The following NAV2 variants were observed in gnomAD, a reference collection of about 807,000 sequenced individuals.
NAV2 encodes the protein helicase, APC down-regulated 1.
NAV2 carries 54 observed loss-of-function variants against 223.2 expected under a neutral mutation model. The observed-to-expected ratio is 0.24, with a 90% CI of 0.19 to 0.30. The LOEUF (loss-of-function observed/expected upper bound fraction) is 0.30, where lower values mean the gene tolerates loss of function less well. NAV2 is among the 10% of genes least tolerant of loss of function. The probability of loss-of-function intolerance (pLI) is 1.00; values close to 1 mark genes in which losing one functional copy is unlikely to be tolerated. For missense variants in NAV2, 2,806 were observed against 3,147.5 expected (o/e 0.89, Z 2.60); for synonymous variants, 1,279 against 1,239.3 (o/e 1.03, Z -0.67).
chr11:19,647,636 A>G (rs1193262178), intron 1 of NAV2, among the ~76,000 whole-genome samples: 1 of 152,102 alleles, frequency 6.6e-6, no homozygotes, highest in African/African-American at 2.4e-5. Flanking sequence ...TTGAACCTGG[A>G]CTTGGACACC....
At chr11:19,714,757 G>T (rs952710017) in intron 1 of NAV2, among the ~76,000 whole-genome samples, 4 of 152,200 alleles carry the variant, frequency 2.6e-5, no homozygotes, top group African/African-American at 9.7e-5. Context: ...TACCTTTCCA[G>T]ACAGAGCCTG....
chr11:19,372,674 C>T (rs1848511993), intron 1 of NAV2, among the ~76,000 whole-genome samples: 1 of 152,280 alleles, frequency 6.6e-6, no homozygotes, highest in African/African-American at 2.4e-5. Flanking sequence ...CTGACCTCCG[C>T]TCCAAAATCC....
intron 1 of NAV2, among the ~76,000 whole-genome samples, chr11:19,390,651 C>T (rs1180331386): frequency 1.3e-5 from 2 of 152,052 alleles, no homozygotes; most frequent in African/African-American, 4.8e-5. Context: ...ACTGATGACC[C>T]CTCTGGTTTG....
At position 19,911,423 on chromosome 11, in the gene NAV2, T is replaced by C. The variant is rs140996505; in HGVS notation, c.931+18829T>C. ...GGGGACATGGCATGATAGAGGGAAG[T>C]TGAGTGTGTATATGTGTGTAGGTGT... is the stretch of plus-strand genomic sequence containing the variant. On this transcript the variant is annotated intron_variant, in intron 6 of 37. Transcript: ENST00000349880. Among the ~76,000 whole-genome samples the C allele has an allele frequency of 3.1e-3, 474 of 151,990 alleles. 3 individuals are homozygous for C. Among genetic ancestry groups the C allele is most frequent in the African/African-American group, 0.011 (444 of 41,446 alleles).
chr11:20,113,099 T>G (rs920143087), intron 36 of NAV2, among the ~76,000 whole-genome samples: 1 of 152,206 alleles, frequency 6.6e-6, no homozygotes, highest in Non-Finnish European at 1.5e-5. Flanking sequence ...GCTGTGAGCA[T>G]GTCCTGCCAC....
Position 19,632,219 on chromosome 11 carries a change from C to T in NAV2, c.76-200265C>T, listed in dbSNP as rs187778594. Among the ~76,000 whole-genome samples, 34 of 152,268 alleles carry T rather than the reference C, an allele frequency of 2.2e-4. 1 individual carries two copies. Among genetic ancestry groups the T allele is most frequent in the Middle Eastern group, 3.4e-3 (1 of 294 alleles). On this transcript the variant is annotated intron_variant, in intron 1 of 37. Transcript: ENST00000360655. ...ATCTATTTATAGGGACGGTTTGGTGCGGTACAAAGAACATTGGGTTTGGCA... is the reference window on the plus strand; with the variant it reads ...ATCTATTTATAGGGACGGTTTGGTGTGGTACAAAGAACATTGGGTTTGGCA...
chr11:19,738,181 G>A (rs2052490285), intron 1 of NAV2, among the ~76,000 whole-genome samples: 1 of 152,262 alleles, frequency 6.6e-6, no homozygotes. Flanking sequence ...GACACCTCCA[G>A]AACCATCTGC....
At chr11:20,114,255 G>T (rs1565109940) in intron 36 of NAV2, 1 of 358,150 alleles carries the variant, frequency 2.8e-6, no homozygotes, top group Non-Finnish European at 5.2e-6. Context: ...TTCAAATCAG[G>T]TCATTGTTTT....
intron 26 of NAV2, 57 bp downstream of exon 26, chr11:20,083,236 A>G: frequency 7.0e-7 from 1 of 1,423,918 alleles, no homozygotes. Flanking sequence ...CTTCTCCAGT[A>G]GGAATGGCTA....
At chr11:19,587,177 C>T (rs181772283) in intron 1 of NAV2, among the ~76,000 whole-genome samples, 5 of 152,312 alleles carry the variant, frequency 3.3e-5, no homozygotes, top group East Asian at 1.9e-4. Flanking sequence ...CCCTCCGAGC[C>T]AGGTGCAGGA....
intron 1 of NAV2, among the ~76,000 whole-genome samples, chr11:19,702,173 C>T (rs1038669982): frequency 2.6e-5 from 4 of 152,198 alleles, no homozygotes; most frequent in Non-Finnish European, 1.5e-5. Context: ...GGTCTTGGCA[C>T]TTCTGTAGAC....
chr11:19,856,292 T>A lies in NAV2; in HGVS notation c.439-12633T>A, dbSNP rs2061402980. Among the ~76,000 whole-genome samples, 4 of 152,368 alleles carry A rather than the reference T, an allele frequency of 2.6e-5. No individual in the cohort carries two copies. In the South Asian group the frequency reaches 8.3e-4, roughly 32 times the overall value. On this transcript the variant is annotated intron_variant, in intron 3 of 37. Coordinates refer to ENST00000349880, the MANE Select transcript of NAV2 (RefSeq NM_145117.5). ...GATTTTGACCATGCCTCTGACATTG[T>A]GGCTATGGCAGCAGGCAGTATGCAG...
chr11:19,801,018 A>G (rs2152768674), intron 1 of NAV2, among the ~76,000 whole-genome samples: 1 of 152,306 alleles, frequency 6.6e-6, no homozygotes, highest in Non-Finnish European at 1.5e-5. Context: ...AGAAGCAAGC[A>G]CAACAGATAA....
In NAV2 at chr11:19,933,900, C is replaced by T; in HGVS notation, c.1656C>T (p.Ala552=). Residue 552 remains alanine (A), a synonymous_variant, in exon 7 of 38, where the codon GCC becomes GCT. Transcript: ENST00000349880. This position sits in a 1 kb window ranked among gnomAD's most constrained non-coding sequence, Gnocchi z 4.3. ...CCAAAGGGGGGAAGCTCAACAGTGC[C>T]AAGAAGGAGCCCATGGCCCCTTCCC... ...FIPKGGKLNS[A]KKEPMAPSHS... The T allele has an allele frequency of 1.3e-6, 2 of 1,588,164 alleles. No individual in the cohort carries two copies. Among genetic ancestry groups the T allele is most frequent in the Middle Eastern group, 1.7e-4 (1 of 5,874 alleles).
At chr11:19,682,130 A>G (rs191994899) in intron 1 of NAV2, among the ~76,000 whole-genome samples, 1 of 152,142 alleles carries the variant, frequency 6.6e-6, no homozygotes, top group Admixed American at 6.5e-5. Context: ...CACATACAAC[A>G]TACTCACCCC....
chr11:19,794,260 A>G (rs1224022567), intron 1 of NAV2, among the ~76,000 whole-genome samples: 1 of 152,182 alleles, frequency 6.6e-6, no homozygotes, highest in Non-Finnish European at 1.5e-5. Flanking sequence ...TTCTCACTCC[A>G]TCTAAGCCAG....
At chr11:20,080,622 A>G (rs1429536291) in intron 25 of NAV2, among the ~76,000 whole-genome samples, 1 of 152,110 alleles carries the variant, frequency 6.6e-6, no homozygotes, top group African/African-American at 2.4e-5. Flanking sequence ...ATCTTTATCT[A>G]TTTATTTACA....
intron 1 of NAV2, among the ~76,000 whole-genome samples, chr11:19,613,428 G>A (rs1420375966): frequency 6.6e-6 from 1 of 152,232 alleles, no homozygotes. Flanking sequence ...GCAGGCCTTG[G>A]GTATGGACAG....
rs1049790287 is a variant in NAV2, at chr11:19,647,143, G to A, written c.76-185341G>A. ...ATTGTCCAGATAGATTTCCCTTGGCGAGCTGCCCTCAGCACTTAGAAAACC... is the reference window on the plus strand; with the variant it reads ...ATTGTCCAGATAGATTTCCCTTGGCAAGCTGCCCTCAGCACTTAGAAAACC... On this transcript the variant is annotated intron_variant, in intron 1 of 37. Transcript: ENST00000360655. Among the ~76,000 whole-genome samples, 5 of 152,246 alleles carry A rather than the reference G, an allele frequency of 3.3e-5. No individual in the cohort carries two copies. The East Asian group carries it at 9.7e-4, about 29-fold the overall frequency.
Sources: gnomAD v4.1 joint callset for allele counts (sites outside exome capture counted in the v4.1 genomes callset) on GRCh38, gnomAD v4.1.1 for gene constraint, Gnocchi (gnomAD v3.1) non-coding constraint, MANE v1.5 for transcripts, NCBI Gene and HGNC (gene_info 2026-07-23, HGNC 2026-07-21) for gene names.